Variants in IL31RA observed in about 807,000 individuals in gnomAD.
IL31RA encodes interleukin 31 receptor A, also known as interleukin-31 receptor subunit alpha.
Under a neutral mutation model 83.7 loss-of-function variants are expected in IL31RA, and 66 were observed. That is an observed-to-expected ratio of 0.79 (90% CI 0.65 to 0.97). The LOEUF (loss-of-function observed/expected upper bound fraction) is 0.97. Ranked by LOEUF, IL31RA falls within the 50% of genes least tolerant of loss-of-function variation. The pLI, the probability that IL31RA is intolerant of heterozygous loss-of-function variation, is 0.00. For missense variants in IL31RA, 798 were observed against 919.4 expected, an observed-to-expected ratio of 0.87 and a Z score of 1.71; for synonymous variants, 325 against 329.0, an observed-to-expected ratio of 0.99 and a Z score of 0.13.
chr5:55,877,023 A>G (rs1746892571), intron 4 of IL31RA, among the ~76,000 whole-genome samples: 1 of 151,760 alleles, frequency 6.6e-6, no homozygotes, highest in African/African-American at 2.4e-5. Context: ...TTTTTCTTTT[A>G]TATTTTATAG....
intron 6 of IL31RA, 101 bp from the exon 7 acceptor site, chr5:55,896,249 C>A: frequency 1.3e-6 from 1 of 798,210 alleles, no homozygotes. Flanking sequence ...TTCCCAATGG[C>A]TCCCTCAAGC....
rs1749699899 is a variant in IL31RA, at chr5:55,914,890, GA to G, written c.1783del (p.Ser595ValfsTer3). The G allele has an allele frequency of 1.2e-6, 2 of 1,613,666 alleles. No homozygotes were observed. The highest frequency in any genetic ancestry group is 1.7e-6 in the Non-Finnish European group (2 of 1,179,660). ...TTGGCCCACCGTTCCCAACCCTGCT[GA>G]AAGTAGTATAGCCACATGGCATGGA... The part of the protein sequence containing the change: ...LCWPTVPNPA[E>X]SSIATWHGDD... On this transcript the variant is annotated frameshift_variant, in exon 14 of 15. Transcript: ENST00000652347. LOFTEE classifies it low-confidence loss of function (END_TRUNC).
chr5:55,889,764 G>C (rs1449390831), intron 5 of IL31RA, among the ~76,000 whole-genome samples: 1 of 152,202 alleles, frequency 6.6e-6, no homozygotes, highest in Non-Finnish European at 1.5e-5. Flanking sequence ...AAGGGAGTTG[G>C]TGGTTCATGG....
At chr5:55,899,809 C>A in intron 7 of IL31RA, 107 bp from the exon 8 acceptor site, 1 of 758,424 alleles carries the variant, frequency 1.3e-6, no homozygotes, top group Non-Finnish European at 2.4e-6. Flanking sequence ...AGTTTAGTAT[C>A]TAATAGTTAG....
At chr5:55,859,362 T>C (rs1745533779) in intron 1 of IL31RA, 147 bp from the exon 2 acceptor site, 1 of 699,340 alleles carries the variant, frequency 1.4e-6, no homozygotes, top group African/African-American at 1.8e-5. Context: ...GGAGTAATTA[T>C]GAAGGATCTA....
At chr5:55,914,733 T>G in intron 13 of IL31RA, 114 bp from the exon 14 acceptor site, 2 of 821,342 alleles carry the variant, frequency 2.4e-6, no homozygotes, top group Non-Finnish European at 4.2e-6. Context: ...CATGCCCTTA[T>G]TTAGGAGGGA....
In IL31RA at chr5:55,919,615, TC is replaced by T. The variant is rs1258666183; in HGVS notation, c.*2499del. Among the ~76,000 whole-genome samples, 1 of 152,204 alleles carries T rather than the reference TC, an allele frequency of 6.6e-6. No homozygotes were observed. The highest frequency in any genetic ancestry group is 1.5e-5 in the Non-Finnish European group (1 of 68,034). ...TTTCTTGTTTCTTTTCATTCCTTTCTCCCCTTCCATCAGCCTCCTTTGATCA... is the reference window on the plus strand; with the variant it reads ...TTTCTTGTTTCTTTTCATTCCTTTCTCCCTTCCATCAGCCTCCTTTGATCA... On this transcript the variant is annotated 3_prime_UTR_variant, in exon 15 of 15. Coordinates refer to ENST00000652347, the MANE Select transcript of IL31RA (RefSeq NM_139017.7).
chr5:55,915,050 G>A, intron 14 of IL31RA, 122 bp downstream of exon 14: 1 of 786,320 alleles, frequency 1.3e-6, no homozygotes, highest in Admixed American at 1.9e-5. Context: ...AACTGGAGTT[G>A]AAAAGTCTCA....
At chr5:55,896,839 CAG>C (rs1480540523) in intron 7 of IL31RA, among the ~76,000 whole-genome samples, 2 of 81,322 alleles carry the variant, frequency 2.5e-5, no homozygotes, top group South Asian at 5.1e-4. Flanking sequence ...TTCTTTTTGG[CAG>C]AGTCTTGCTC....
chr5:55,884,111 G>GT (rs1037585142), intron 5 of IL31RA, among the ~76,000 whole-genome samples: 2 of 152,106 alleles, frequency 1.3e-5, no homozygotes, highest in African/African-American at 2.4e-5. Context: ...CCTTTTGCAT[G>GT]TTTTTTCTAT....
At chr5:55,910,304 G>A (rs955246296) in intron 11 of IL31RA, among the ~76,000 whole-genome samples, 3 of 152,090 alleles carry the variant, frequency 2.0e-5, no homozygotes, top group African/African-American at 7.2e-5. Flanking sequence ...TGAAATTCAA[G>A]GTTGTGAAGA....
rs981347712 is a variant in IL31RA at position 55,921,818 on chromosome 5, T to C, written c.*4698T>C. Among the ~76,000 whole-genome samples, 4 of 152,216 alleles carry C rather than the reference T, an allele frequency of 2.6e-5. No homozygotes were observed. Among genetic ancestry groups the C allele is most frequent in the African/African-American group, 7.2e-5 (3 of 41,456 alleles). The stretch of plus-strand genomic sequence containing the variant: ...CTCTGCCTCCGTGCTCCTGGGGACA[T>C]TGACAGACCAGCTGAGTTGCTAGAA... On this transcript the variant is annotated 3_prime_UTR_variant, in exon 15 of 15. Coordinates refer to ENST00000652347, the MANE Select transcript of IL31RA (RefSeq NM_139017.7).
the IL31RA span, among the ~76,000 whole-genome samples, chr5:55,844,175 AAGT>A: frequency 2.6e-5 from 4 of 152,164 alleles, no homozygotes. Flanking sequence ...AGGAAGATGA[AAGT>A]AGAATGAAAT....
intron 12 of IL31RA, 72 bp from the exon 13 acceptor site, chr5:55,913,403 GAA>G: frequency 2.1e-6 from 2 of 950,640 alleles, no homozygotes; most frequent in Non-Finnish European, 3.5e-6. Context: ...GCTACTAGAA[GAA>G]AAAGTTAATC....
intron 2 of IL31RA, among the ~76,000 whole-genome samples, chr5:55,860,736 T>C (rs570761514): frequency 6.6e-6 from 1 of 152,308 alleles, no homozygotes; most frequent in South Asian, 2.1e-4. Flanking sequence ...TAAAACAATA[T>C]TAAGAGCAGA....
intron 5 of IL31RA, among the ~76,000 whole-genome samples, chr5:55,883,748 C>T (rs757363304): frequency 7.2e-5 from 11 of 152,102 alleles, no homozygotes; most frequent in Non-Finnish European, 1.3e-4. Flanking sequence ...TCATTTTTTA[C>T]CATTTAAGGC....
rs59506009 is a variant in IL31RA at position 55,902,459 on chromosome 5, C to CAAAAAAAAAAAAAA, written c.1069+2334_1069+2347dup. On this transcript the variant is annotated intron_variant, in intron 8 of 14. Transcript: ENST00000652347. ...GCAACATAGTGAAACCTTGTTTCTA[C>CAAAAAAAAAAAAAA]AAAAAAAAAAAAAAAAAAAATACAA... 7 of 100,738 alleles carry CAAAAAAAAAAAAAA rather than the reference C, an allele frequency of 6.9e-5. 1 individual carries two copies. The highest frequency in any genetic ancestry group is 2.1e-4 in the Admixed American group (2 of 9,388). 6.2% of individuals were successfully genotyped at this position (100,738 alleles called of 1,614,324 possible).
At chr5:55,892,259 A>C (rs1387487377) in intron 6 of IL31RA, among the ~76,000 whole-genome samples, 5 of 152,318 alleles carry the variant, frequency 3.3e-5, no homozygotes, top group Non-Finnish European at 7.3e-5. Context: ...GAGTTTTAGA[A>C]TATGAACTCC....
chr5:55,913,364 G>T, intron 12 of IL31RA, 113 bp from the exon 13 acceptor site: 1 of 761,118 alleles, frequency 1.3e-6, no homozygotes, highest in Non-Finnish European at 2.3e-6. Context: ...TTAACTGAAA[G>T]AAAACTAATA....
Sources: gnomAD v4.1 joint callset for allele counts (sites outside exome capture counted in the v4.1 genomes callset) on GRCh38, gnomAD v4.1.1 for gene constraint, MANE v1.5 for transcripts, NCBI Gene and HGNC (gene_info 2026-07-23, HGNC 2026-07-21) for gene names.